DLC1: variants seen among roughly 807,000 people sequenced by gnomAD.
The protein encoded by DLC1 is DLC1 Rho GTPase activating protein, also known as rho GTPase-activating protein 7.
Under a neutral mutation model 140.3 loss-of-function variants are expected in DLC1, and 54 were observed. That is an observed-to-expected ratio of 0.38 (90% CI 0.31 to 0.48). DLC1 has a LOEUF of 0.48. Among genes scored for constraint, DLC1 ranks in the 20% least tolerant of loss-of-function variants. DLC1 has a pLI of 0.96. For synonymous variants in DLC1, 986 were observed against 728.1 expected (o/e 1.35, Z -5.70); for missense variants, 2,536 against 1,907.0 (o/e 1.33, Z -6.14).
intron 5 of DLC1, among the ~76,000 whole-genome samples, chr8:13,142,947 G>A (rs141912985): frequency 6.6e-6 from 1 of 152,022 alleles, no homozygotes; most frequent in South Asian, 2.1e-4. Context: ...TACTTTGGAG[G>A]CTGAGGCAGG....
intron 1 of DLC1, among the ~76,000 whole-genome samples, chr8:13,561,280 C>T (rs888999254): frequency 6.6e-6 from 1 of 151,988 alleles, no homozygotes; most frequent in African/African-American, 2.4e-5. Context: ...CCTGGCTAAG[C>T]AACTACAGCC....
intron 5 of DLC1, among the ~76,000 whole-genome samples, chr8:13,255,391 A>G (rs1830178348): frequency 6.6e-6 from 1 of 152,232 alleles, no homozygotes; most frequent in Admixed American, 6.5e-5. Flanking sequence ...TGTCTGCTAT[A>G]TAAAAGGAAC....
At chr8:13,423,379 G>A (rs1838405832) in intron 2 of DLC1, among the ~76,000 whole-genome samples, 1 of 152,104 alleles carries the variant, frequency 6.6e-6, no homozygotes, top group Non-Finnish European at 1.5e-5. Context: ...TTTGTTTCAA[G>A]GTGAACCTAA....
chr8:13,567,997 T>G (rs1346316130), intron 1 of DLC1: 1 of 1,475,452 alleles, frequency 6.8e-7, no homozygotes, highest in Non-Finnish European at 9.0e-7. Flanking sequence ...TACCATAATT[T>G]CTACAGGCAC....
At chr8:13,346,142 T>A (rs1344598331) in intron 4 of DLC1, among the ~76,000 whole-genome samples, 10 of 152,230 alleles carry the variant, frequency 6.6e-5, no homozygotes, top group Non-Finnish European at 1.5e-4. Context: ...TATTACTTAC[T>A]TGAGTTTTGC....
At chr8:13,303,049 G>A (rs1031358790) in intron 5 of DLC1, among the ~76,000 whole-genome samples, 1 of 151,614 alleles carries the variant, frequency 6.6e-6, no homozygotes, top group African/African-American at 2.4e-5. Context: ...ATTCAGACAC[G>A]AACATTTGTC....
intron 4 of DLC1, among the ~76,000 whole-genome samples, chr8:13,337,324 C>G (rs1833848166): frequency 6.6e-6 from 1 of 152,114 alleles, no homozygotes; most frequent in Non-Finnish European, 1.5e-5. Flanking sequence ...AATGAAATTA[C>G]TAATTATCTG....
At chr8:13,362,835 C>T (rs1346658015) in intron 4 of DLC1, among the ~76,000 whole-genome samples, 2 of 152,128 alleles carry the variant, frequency 1.3e-5, no homozygotes, top group Non-Finnish European at 2.9e-5. Flanking sequence ...GAATTCTCTT[C>T]TGTTTTGTTT....
chr8:13,296,939 GA>G (rs1287587111), intron 5 of DLC1, among the ~76,000 whole-genome samples: 3 of 151,704 alleles, frequency 2.0e-5, no homozygotes, highest in South Asian at 2.1e-4. Flanking sequence ...GAGAGGAAAA[GA>G]AACTATGTTC....
intron 4 of DLC1, among the ~76,000 whole-genome samples, chr8:13,384,024 C>G (rs921391369): frequency 6.6e-6 from 1 of 152,178 alleles, no homozygotes. Context: ...CAATTATGTT[C>G]CATGGTGTGC....
intron 5 of DLC1, among the ~76,000 whole-genome samples, chr8:13,133,722 G>C (rs1205114659): frequency 6.6e-6 from 1 of 152,042 alleles, no homozygotes; most frequent in Non-Finnish European, 1.5e-5. Flanking sequence ...TGTGCCTTGA[G>C]CGTCCCTTCT....
At position 13,121,837 on chromosome 8, in the gene DLC1, A is replaced by G. The variant is rs533592984; in HGVS notation, c.1349-6180T>C. 1.3e-3 allele frequency among the ~76,000 whole-genome samples: 193 copies of G among 152,120 alleles called. 2 individuals are homozygous for G. The highest frequency in any genetic ancestry group is 4.5e-3 in the African/African-American group (187 of 41,516). ...CAAAGTGCTGGGATTACAGGCGTGA[A>G]CCACCCGTGCCTGGCCAGGGAGCTT... On this transcript the variant is annotated intron_variant, in intron 5 of 17. Transcript: ENST00000276297.
At chr8:13,392,368 G>A (rs1262472643) in intron 4 of DLC1, among the ~76,000 whole-genome samples, 1 of 152,100 alleles carries the variant, frequency 6.6e-6, no homozygotes, top group African/African-American at 2.4e-5. Context: ...CCATAAAAAT[G>A]TTTTAGATAT....
intron 5 of DLC1, among the ~76,000 whole-genome samples, chr8:13,198,906 G>A (rs977724274): frequency 1.3e-5 from 2 of 151,790 alleles, no homozygotes; most frequent in East Asian, 1.9e-4. Flanking sequence ...TAGTAGAGAC[G>A]GGGTTTCATG....
chr8:13,525,544 T>C (rs1802894775), intron 1 of DLC1, among the ~76,000 whole-genome samples: 1 of 152,186 alleles, frequency 6.6e-6, no homozygotes, highest in South Asian at 2.1e-4. Context: ...AGATGTATGG[T>C]CATTTCTCAT....
At position 13,566,608 on chromosome 8, in the gene DLC1, C is replaced by G. The variant is rs546926375; in HGVS notation, c.-126+37929G>C. Among the ~76,000 whole-genome samples the G allele has an allele frequency of 9.8e-5, 15 of 152,328 alleles. No individual in the cohort carries two copies. In the East Asian group the frequency reaches 2.1e-3, roughly 22 times the overall value. ...TTCGGATTTGTCACAGGCCACCTAA[C>G]TCTATTGGTCTCACACACGTGTGCC... On this transcript the variant is annotated intron_variant, in intron 1 of 1. Transcript: ENST00000631382.
At chr8:13,119,677 C>G (rs182257529) in intron 5 of DLC1, among the ~76,000 whole-genome samples, 3 of 152,090 alleles carry the variant, frequency 2.0e-5, no homozygotes, top group Non-Finnish European at 4.4e-5. Context: ...TGAGGCCAAG[C>G]GAGGTGGCTC....
chr8:13,464,114 G>A (rs1489759903), intron 2 of DLC1, among the ~76,000 whole-genome samples: 2 of 152,154 alleles, frequency 1.3e-5, no homozygotes, highest in Non-Finnish European at 2.9e-5. Flanking sequence ...GGTTGTTGTT[G>A]GATTTCTTGG....
At chr8:13,568,998 A>C (rs1804551125) in intron 1 of DLC1, among the ~76,000 whole-genome samples, 1 of 152,212 alleles carries the variant, frequency 6.6e-6, no homozygotes, top group Admixed American at 6.5e-5. Context: ...AGAACGCTTA[A>C]ACAAATTATC....
Sources: gnomAD v4.1 joint callset for allele counts (sites outside exome capture counted in the v4.1 genomes callset) on GRCh38, gnomAD v4.1.1 for gene constraint, MANE v1.5 for transcripts, NCBI Gene and HGNC (gene_info 2026-07-23, HGNC 2026-07-21) for gene names.